CNTN2: variants seen among roughly 807,000 people sequenced by gnomAD.
The protein encoded by CNTN2 is contactin-2.
Under a neutral mutation model 117.5 loss-of-function variants are expected in CNTN2, and 53 were observed. That is an observed-to-expected ratio of 0.45 (90% CI 0.36 to 0.57). The LOEUF is 0.57. Ranked by LOEUF, CNTN2 falls within the 20% of genes least tolerant of loss-of-function variation. CNTN2 has a pLI of 0.00. For missense variants in CNTN2, 1,106 were observed against 1,404.3 expected (o/e 0.79, Z 3.39); for synonymous variants, 530 against 561.7 (o/e 0.94, Z 0.80).
chr1:205,072,044 A>G lies in CNTN2; in HGVS notation c.2642A>G (p.Asn881Ser). The change falls in exon 20 of 23, where the codon AAC (asparagine) becomes AGC (serine). Residue 881 changes from asparagine (N) to serine (S), a missense_variant. By Grantham distance (46) the Asn-to-Ser change is conservative. Coordinates refer to ENST00000331830, the MANE Select transcript of CNTN2 (RefSeq NM_005076.5). Reference sequence around the variant, plus strand: ...GCCCGAGTCAGCGGCCTGCATCCCAACACCAAGTACCATGTGACCGTGAGG... The same window carrying G: ...GCCCGAGTCAGCGGCCTGCATCCCAGCACCAAGTACCATGTGACCGTGAGG... ...TSARVSGLHP[N>S]TKYHVTVRAY... 1 of 1,614,096 alleles carries G rather than the reference A, an allele frequency of 6.2e-7. No homozygotes were observed.
At chr1:205,062,945 AG>A (rs1274914928) in intron 10 of CNTN2, 5 of 157,822 alleles carry the variant, frequency 3.2e-5, no homozygotes, top group African/African-American at 1.2e-4. Context: ...AGGCAATAAT[AG>A]TCCTGCCCTC....
intron 1 of CNTN2, among the ~76,000 whole-genome samples, chr1:205,049,096 GTC>G (rs1337350595): frequency 6.6e-6 from 1 of 152,050 alleles, no homozygotes; most frequent in Admixed American, 6.5e-5. Flanking sequence ...AAGGCTGTAT[GTC>G]TCGATCCCTG....
rs905009513 is a variant in CNTN2 at position 205,048,451 on chromosome 1, C to T, written c.-86-4649C>T. ...CCCGAACCCCCCAGTGGTCCACTCCCCCATGTGCTGGTGCCTTGCAGGACC... is the reference window on the plus strand; with the variant it reads ...CCCGAACCCCCCAGTGGTCCACTCCTCCATGTGCTGGTGCCTTGCAGGACC... On this transcript the variant is annotated intron_variant, in intron 1 of 22. Transcript: ENST00000331830. The surrounding 1 kb of genome is among the most constrained non-coding windows in gnomAD (Gnocchi z 4.1). Among the ~76,000 whole-genome samples the T allele has an allele frequency of 1.3e-5, 2 of 152,172 alleles. No homozygotes were observed. Among genetic ancestry groups the T allele is most frequent in the Admixed American group, 1.3e-4 (2 of 15,278 alleles).
Position 205,067,220 on chromosome 1 carries a change from C to A in CNTN2, c.2095C>A (p.Pro699Thr). 6.2e-7 allele frequency: 1 copy of A among 1,613,802 alleles called. No homozygotes were observed. The highest frequency in any genetic ancestry group is 8.5e-7 in the Non-Finnish European group (1 of 1,179,884). The change falls in exon 16 of 23, where the codon CCC becomes ACC. Residue 699 changes from proline (P) to threonine (T), a missense_variant. Transcript: ENST00000331830. The stretch of plus-strand genomic sequence containing the variant: ...TCTGGGCACTGGGGAGCCTAGTGGG[C>A]CCTCCAGCAAAATCCGGACCAGGGA... ...NILGTGEPSG[P>T]SSKIRTREAA...
intron 10 of CNTN2, among the ~76,000 whole-genome samples, 196 bp from the exon 11 acceptor site, chr1:205,064,126 A>AGGGGGGGAGGGGGTGGGGGGGGGGGGGGG (rs11329962): frequency 1.1e-5 from 1 of 94,374 alleles, no homozygotes; most frequent in Non-Finnish European, 2.5e-5. Context: ...TGAGGGGCGG[A>AGGGGGGGAGGGGGTGGGGGGGGGGGGGGG]GGGGGGGCGC....
rs536486388 is a variant in CNTN2, at chr1:205,072,314, A to C, written c.2732-169A>C. ...GAATTCATGGCCCCTGAAGCGTCTC[A>C]CACTTCTCCAACCTTTGGATTTTCA... is the stretch of plus-strand genomic sequence containing the variant. On this transcript the variant is annotated intron_variant, in intron 20 of 22. Transcript: ENST00000331830. The C allele has an allele frequency of 2.5e-4, 206 of 818,582 alleles. 1 individual carries two copies. The African/African-American group carries it at 3.3e-3, about 13-fold the overall frequency. The allele number at this position is 818,582 out of a possible 1,614,324, so 50.7% of individuals were successfully genotyped here. A position where few individuals can be genotyped will look rare whatever the true frequency, so the allele number is the denominator to read the frequency against.
chr1:205,072,628 A>C (rs764021055), intron 21 of CNTN2, 33 bp downstream of exon 21: 1 of 1,485,524 alleles, frequency 6.7e-7, no homozygotes, highest in South Asian at 1.1e-5. Context: ...CCAGAATGGG[A>C]AGGAACAGCT....
chr1:205,057,798 G>A (rs1360848231), intron 2 of CNTN2, 123 bp from the exon 3 acceptor site: 12 of 1,213,728 alleles, frequency 9.9e-6, no homozygotes, highest in Admixed American at 2.2e-5. Flanking sequence ...TTACCACATT[G>A]AACAGTGCAG....
At position 205,048,799 on chromosome 1, in the gene CNTN2, C is replaced by A. The variant is rs2096446557; in HGVS notation, c.-86-4301C>A. On this transcript the variant is annotated intron_variant, in intron 1 of 22. Coordinates refer to ENST00000331830, the MANE Select transcript of CNTN2 (RefSeq NM_005076.5). This position sits in a 1 kb window ranked among gnomAD's most constrained non-coding sequence, Gnocchi z 4.1. ...GTCTCCCCTGTGCTTAGCACAATGC[C>A]TGGCACATGGTCAATAAACACTGTG... 6.6e-6 allele frequency among the ~76,000 whole-genome samples: 1 copy of A among 152,150 alleles called. No homozygotes were observed. Among genetic ancestry groups the A allele is most frequent in the African/African-American group, 2.4e-5 (1 of 41,426 alleles).
chr1:205,045,121 G>A (rs149598037), intron 1 of CNTN2, among the ~76,000 whole-genome samples: 229 of 152,106 alleles, frequency 1.5e-3, no homozygotes, highest in Middle Eastern at 3.4e-3. Flanking sequence ...CACCATGAGC[G>A]GTGAGGGAAG....
chr1:205,066,054 C>T, intron 14 of CNTN2, 145 bp downstream of exon 14: 1 of 990,056 alleles, frequency 1.0e-6, no homozygotes. Context: ...TGGATATACC[C>T]TGTGGTTCTT....
chr1:205,068,357 AACATGTTCTCCTACATGCCCCAG>A (rs1315502407), intron 16 of CNTN2: 1 of 152,204 alleles, frequency 6.6e-6, no homozygotes, highest in African/African-American at 2.4e-5. Context: ...GTCTGCCTGA[AACATGTTCTCCTACATGCCCCAG>A]ACTGACTCTC....
At chr1:205,062,778 C>G in intron 10 of CNTN2, 1 of 433,242 alleles carries the variant, frequency 2.3e-6, no homozygotes, top group Non-Finnish European at 3.9e-6. Context: ...GGGTCTCTGA[C>G]TTGTTCCATG....
intron 1 of CNTN2, among the ~76,000 whole-genome samples, chr1:205,044,966 A>G (rs900003566): frequency 2.6e-5 from 4 of 152,176 alleles, no homozygotes; most frequent in Non-Finnish European, 4.4e-5. Flanking sequence ...CCACAAGGTC[A>G]GAGTCCTTCC....
rs748062362 is a variant in CNTN2 at position 205,065,749 on chromosome 1, G to A, written c.1696-40G>A. On this transcript the variant is annotated intron_variant, in intron 13 of 22. Transcript: ENST00000331830. The surrounding 1 kb of genome is among the most constrained non-coding windows in gnomAD (Gnocchi z 4.1). ...ATGGCCTGCTGCACTGGTCAGGGCCGGTGGTCTGACCTGCTGCCCCTAACT... is the reference window on the plus strand; with the variant it reads ...ATGGCCTGCTGCACTGGTCAGGGCCAGTGGTCTGACCTGCTGCCCCTAACT... 12 of 1,613,498 alleles carry A rather than the reference G, an allele frequency of 7.4e-6. No individual in the cohort carries two copies. The highest frequency in any genetic ancestry group is 6.7e-5 in the Admixed American group (4 of 60,000).
In CNTN2 at chr1:205,073,877, A is replaced by C; in HGVS notation, c.*112A>C. ...ACTGTGCCAGAGAGTGGCTGGTTTT[A>C]AATACCTACTTTAAACAGTGCCCTT... On this transcript the variant is annotated 3_prime_UTR_variant, in exon 23 of 23. Transcript: ENST00000331830. This position sits in a 1 kb window ranked among gnomAD's most constrained non-coding sequence, Gnocchi z 6.3. 1.2e-6 allele frequency: 1 copy of C among 802,640 alleles called. No individual in the cohort carries two copies. The highest frequency in any genetic ancestry group is 2.1e-6 in the Non-Finnish European group (1 of 483,246). The allele number at this position is 802,640 out of a possible 1,614,324, so 49.7% of individuals were successfully genotyped here. A position where few individuals can be genotyped will look rare whatever the true frequency, so the allele number is the denominator to read the frequency against.
rs758271427 is a variant in CNTN2 at position 205,072,478 on chromosome 1, G to A, written c.2732-5G>A. The A allele has an allele frequency of 2.1e-5, 34 of 1,612,914 alleles. No individual in the cohort carries two copies. Among genetic ancestry groups the A allele is most frequent in the Non-Finnish European group, 2.5e-6 (3 of 1,179,132 alleles). On this transcript the variant is annotated splice_region_variant and splice_polypyrimidine_tract_variant and intron_variant, in intron 20 of 22. Coordinates refer to ENST00000331830, the MANE Select transcript of CNTN2 (RefSeq NM_005076.5). ...GACATCTCTCCAATTCTTCCTCTCT[G>A]GCAGCTCCGCGGCGACCTCCTGGCA...
In CNTN2 at chr1:205,075,596, T is replaced by C. The variant is rs1654817910; in HGVS notation, c.*1831T>C. On this transcript the variant is annotated 3_prime_UTR_variant, in exon 23 of 23. Coordinates refer to ENST00000331830, the MANE Select transcript of CNTN2 (RefSeq NM_005076.5). Reference sequence around the variant, plus strand: ...ACTTTTAAGTCCTGCTCTATTTTCCTGGGCAGGTTTATGTTGATGTTTACC... The same window carrying C: ...ACTTTTAAGTCCTGCTCTATTTTCCCGGGCAGGTTTATGTTGATGTTTACC... 1 of 152,678 alleles carries C rather than the reference T, an allele frequency of 6.5e-6. No homozygotes were observed. Among genetic ancestry groups the C allele is most frequent in the Non-Finnish European group, 1.5e-5 (1 of 68,044 alleles). The allele number at this position is 152,678 out of a possible 1,614,324, so 9.5% of individuals were successfully genotyped here. A position where few individuals can be genotyped will look rare whatever the true frequency, so the allele number is the denominator to read the frequency against.
chr1:205,058,861 A>G lies in CNTN2; in HGVS notation c.487+198A>G. 3.0e-6 allele frequency: 2 copies of G among 665,940 alleles called. No homozygotes were observed. Among genetic ancestry groups the G allele is most frequent in the Non-Finnish European group, 5.1e-6 (2 of 394,784 alleles). The allele number at this position is 665,940 out of a possible 1,614,324, so 41.3% of individuals were successfully genotyped here. Reference sequence around the variant, plus strand: ...ATCGTTGTGCCCTGCTTCCGCCTTCAAACTGGGTGGCCCCTGAGGGCTGCG... The same window carrying G: ...ATCGTTGTGCCCTGCTTCCGCCTTCGAACTGGGTGGCCCCTGAGGGCTGCG... On this transcript the variant is annotated intron_variant, in intron 5 of 22. Coordinates refer to ENST00000331830, the MANE Select transcript of CNTN2 (RefSeq NM_005076.5). This position sits in a 1 kb window ranked among gnomAD's most constrained non-coding sequence, Gnocchi z 4.3.
Sources: allele counts gnomAD v4.1 joint callset (sites outside exome capture counted in the v4.1 genomes callset), GRCh38; gene constraint gnomAD v4.1.1; non-coding constraint Gnocchi (gnomAD v3.1); transcripts MANE v1.5; gene names NCBI Gene and HGNC (gene_info 2026-07-23, HGNC 2026-07-21).